CARS1: variants seen among roughly 807,000 people sequenced by gnomAD.
CARS1 encodes cysteinyl-tRNA synthetase 1.
Under a neutral mutation model 106.2 loss-of-function variants are expected in CARS1, and 48 were observed. That is an observed-to-expected ratio of 0.45 (90% confidence interval 0.36 to 0.57). The LOEUF (loss-of-function observed/expected upper bound fraction) is 0.57, where lower values mean the gene tolerates loss of function less well. CARS1 is among the 20% of genes least tolerant of loss of function. The probability of loss-of-function intolerance (pLI) is 0.00; values close to 1 mark genes in which losing one functional copy is unlikely to be tolerated. For missense variants in CARS1, 968 were observed against 1,057.2 expected, an observed-to-expected ratio of 0.92 and a Z score of 1.17; for synonymous variants, 409 against 403.4, an observed-to-expected ratio of 1.01 and a Z score of -0.17.
rs147445160 is a variant in CARS1, at chr11:3,026,896, G to A, written c.1032-99C>T. On this transcript the variant is annotated intron_variant, in intron 9 of 22. Transcript: ENST00000380525. ...AAATAAAGCAGGGCTATAAAAGTGC[G>A]AAATCTGTGGCCTATCTACTCTCTG... 780 of 1,360,508 alleles carry A rather than the reference G, an allele frequency of 5.7e-4. 2 individuals are homozygous for A. In the African/African-American group the frequency reaches 9.3e-3, roughly 16 times the overall value. 84.3% of individuals were successfully genotyped at this position (1,360,508 alleles called of 1,614,324 possible). A position where few individuals can be genotyped will look rare whatever the true frequency, so the allele number is the denominator to read the frequency against.
In CARS1 at chr11:3,038,220, CAAATCTATTA is replaced by C. The variant is rs751736709; in HGVS notation, c.652-31_652-22del. The C allele has an allele frequency of 5.6e-6, 9 of 1,610,518 alleles. No individual in the cohort carries two copies. In the East Asian group the frequency reaches 2.0e-4, roughly 36 times the overall value. On this transcript the variant is annotated intron_variant, in intron 6 of 22. Transcript: ENST00000380525. This position sits in a 1 kb window ranked among gnomAD's most constrained non-coding sequence, Gnocchi z 4.0. The stretch of plus-strand genomic sequence containing the variant: ...AATGGCTGCAACCATAAAGAGACGT[CAAATCTATTA>C]GATACTGCTCAGCAAAACCTAAATT...
In CARS1 at chr11:3,040,588, G is replaced by A. The variant is rs1854314788; in HGVS notation, c.455+308C>T. 1.8e-6 allele frequency: 1 copy of A among 548,742 alleles called. No homozygotes were observed. The highest frequency in any genetic ancestry group is 1.5e-5 in the South Asian group (1 of 65,394). 34.0% of individuals were successfully genotyped at this position (548,742 alleles called of 1,614,324 possible). On this transcript the variant is annotated intron_variant, in intron 4 of 22. Transcript: ENST00000380525. The surrounding 1 kb of genome is among the most constrained non-coding windows in gnomAD (Gnocchi z 5.8). ...TCTGGGGACCCCACGAGAGCTTGAG[G>A]GATGAGAGAAAACTTTAAGGTATGT...
At chr11:3,031,220 G>A (rs1047152299) in intron 7 of CARS1, 1 of 152,282 alleles carries the variant, frequency 6.6e-6, no homozygotes, top group Admixed American at 6.5e-5. Context: ...ACTGAAAAGA[G>A]AGAATACTTT....
At chr11:3,009,357 A>G (rs1319764252) in intron 18 of CARS1, 2 of 152,282 alleles carry the variant, frequency 1.3e-5, no homozygotes, top group East Asian at 1.9e-4. Context: ...ACACTGTGTG[A>G]CTCCACTCAT....
At position 3,043,142 on chromosome 11, in the gene CARS1, C is replaced by T. The variant is rs1366531147; in HGVS notation, c.275-886G>A. 6.6e-6 allele frequency among the ~76,000 whole-genome samples: 1 copy of T among 152,216 alleles called. No individual in the cohort carries two copies. Among genetic ancestry groups the T allele is most frequent in the Non-Finnish European group, 1.5e-5 (1 of 68,030 alleles). On this transcript the variant is annotated intron_variant, in intron 2 of 22. Coordinates refer to ENST00000380525, the MANE Select transcript of CARS1 (RefSeq NM_001014437.3). The surrounding 1 kb of genome is among the most constrained non-coding windows in gnomAD (Gnocchi z 4.0). ...AGACTTCCCTAGTTGTTCCCCTCCA[C>T]TCGCCTGTGGGCCGCCTGGGCTGCT... is the stretch of plus-strand genomic sequence containing the variant.
At position 3,045,406 on chromosome 11, in the gene CARS1, A is replaced by G. The variant is rs1301145192; in HGVS notation, c.274+2347T>C. Among the ~76,000 whole-genome samples the G allele has an allele frequency of 6.6e-6, 1 of 152,086 alleles. No homozygotes were observed. Among genetic ancestry groups the G allele is most frequent in the East Asian group, 1.9e-4 (1 of 5,200 alleles). ...CAGCCTCCCGAGTAGCTGGGACTAT[A>G]GGCACCCGCCATCACGCCCGGCTAA... On this transcript the variant is annotated intron_variant, in intron 2 of 22. Coordinates refer to ENST00000380525, the MANE Select transcript of CARS1 (RefSeq NM_001014437.3). This position sits in a 1 kb window ranked among gnomAD's most constrained non-coding sequence, Gnocchi z 5.6.
Position 3,040,204 on chromosome 11 carries a change from C to T in CARS1, c.456-273G>A. Reference sequence around the variant, plus strand: ...ATAATATTTTCTTTTCTCTGGCTTCCTTTATCATTAGGAATACAGTATGTA... The same window carrying T: ...ATAATATTTTCTTTTCTCTGGCTTCTTTTATCATTAGGAATACAGTATGTA... On this transcript the variant is annotated intron_variant, in intron 4 of 22. Coordinates refer to ENST00000380525, the MANE Select transcript of CARS1 (RefSeq NM_001014437.3). This position sits in a 1 kb window ranked among gnomAD's most constrained non-coding sequence, Gnocchi z 5.8. The T allele has an allele frequency of 2.5e-6, 1 of 395,672 alleles. No individual in the cohort carries two copies. The highest frequency in any genetic ancestry group is 4.8e-5 in the East Asian group (1 of 20,716). 24.5% of individuals were successfully genotyped at this position (395,672 alleles called of 1,614,324 possible).
chr11:3,030,546 G>C lies in CARS1; in HGVS notation c.802-1103C>G, dbSNP rs756773447. On this transcript the variant is annotated intron_variant, in intron 7 of 22. Coordinates refer to ENST00000380525, the MANE Select transcript of CARS1 (RefSeq NM_001014437.3). The surrounding 1 kb of genome is among the most constrained non-coding windows in gnomAD (Gnocchi z 5.7). ...GCCTGCCCCAAGTACAGGGAAACGC[G>C]CATCCTGGCCCTCAGGATCACCAAG... The C allele has an allele frequency of 6.6e-6, 1 of 152,222 alleles. No individual in the cohort carries two copies. 9.4% of individuals were successfully genotyped at this position (152,222 alleles called of 1,614,324 possible). A position where few individuals can be genotyped will look rare whatever the true frequency, so the allele number is the denominator to read the frequency against.
In CARS1 at chr11:3,017,018, C is replaced by T; in HGVS notation, c.1917+88G>A. The T allele has an allele frequency of 1.8e-6, 2 of 1,116,020 alleles. No individual in the cohort carries two copies. The highest frequency in any genetic ancestry group is 2.6e-6 in the Non-Finnish European group (2 of 778,924). The allele number at this position is 1,116,020 out of a possible 1,614,324, so 69.1% of individuals were successfully genotyped here. On this transcript the variant is annotated intron_variant, in intron 16 of 22. Transcript: ENST00000380525. The surrounding 1 kb of genome is among the most constrained non-coding windows in gnomAD (Gnocchi z 4.9). The stretch of plus-strand genomic sequence containing the variant: ...GGGCACCAGGCACAGCACTGGGGGG[C>T]ACCAGAGGCCTCTGTTCTCCCAGTC...
chr11:3,015,107 G>C (rs1324821083), intron 17 of CARS1, among the ~76,000 whole-genome samples: 2 of 152,236 alleles, frequency 1.3e-5, no homozygotes, highest in Non-Finnish European at 2.9e-5. Flanking sequence ...GACTGACAGT[G>C]TGTGTCTGCT....
intron 10 of CARS1, among the ~76,000 whole-genome samples, chr11:3,026,223 G>A (rs1852061174): frequency 6.6e-6 from 1 of 152,118 alleles, no homozygotes; most frequent in Non-Finnish European, 1.5e-5. Flanking sequence ...AGTGGAGAGA[G>A]GTTGGTTTCT....
Position 3,020,412 on chromosome 11 carries a change from G to A in CARS1, c.1154-80C>T. The stretch of plus-strand genomic sequence containing the variant: ...ATGTCTCACTTCAAGGCCATCCACG[G>A]TGCCTAATGGGCAGTCCTTCTGACT... On this transcript the variant is annotated intron_variant, in intron 10 of 22. Coordinates refer to ENST00000380525, the MANE Select transcript of CARS1 (RefSeq NM_001014437.3). The surrounding 1 kb of genome is among the most constrained non-coding windows in gnomAD (Gnocchi z 4.6). 1.2e-6 allele frequency: 1 copy of A among 809,930 alleles called. No individual in the cohort carries two copies. The highest frequency in any genetic ancestry group is 2.2e-6 in the Non-Finnish European group (1 of 460,466). 50.2% of individuals were successfully genotyped at this position (809,930 alleles called of 1,614,324 possible).
rs1022149137 is a variant in CARS1 at position 3,055,111 on chromosome 11, G to T, written c.25+2232C>A. On this transcript the variant is annotated intron_variant, in intron 1 of 22. Coordinates refer to ENST00000380525, the MANE Select transcript of CARS1 (RefSeq NM_001014437.3). ...AACTTAGGGAAGATGGTACAAAAATGATGGCCTCCTTGAAAAATCTGGGAA... is the reference window on the plus strand; with the variant it reads ...AACTTAGGGAAGATGGTACAAAAATTATGGCCTCCTTGAAAAATCTGGGAA... 9 of 603,112 alleles carry T rather than the reference G, an allele frequency of 1.5e-5. No homozygotes were observed. The South Asian group carries it at 1.8e-4, about 12-fold the overall frequency. 37.4% of individuals were successfully genotyped at this position (603,112 alleles called of 1,614,324 possible). A position where few individuals can be genotyped will look rare whatever the true frequency, so the allele number is the denominator to read the frequency against.
In CARS1 at chr11:3,039,322, G is replaced by C. The variant is rs751161198; in HGVS notation, c.553-30C>G. 5.9e-6 allele frequency: 8 copies of C among 1,357,762 alleles called. No individual in the cohort carries two copies. Among genetic ancestry groups the C allele is most frequent in the Admixed American group, 1.7e-5 (1 of 59,588 alleles). 84.1% of individuals were successfully genotyped at this position (1,357,762 alleles called of 1,614,324 possible). A position where few individuals can be genotyped will look rare whatever the true frequency, so the allele number is the denominator to read the frequency against. ...GGAGGGAAGGCAGACATTGGGGAGT[G>C]ATGCTTGGATCCCACATGCATCCCT... On this transcript the variant is annotated intron_variant, in intron 5 of 22. Transcript: ENST00000380525. This position sits in a 1 kb window ranked among gnomAD's most constrained non-coding sequence, Gnocchi z 5.6.
At chr11:3,035,765 T>G (rs1291844741) in intron 7 of CARS1, among the ~76,000 whole-genome samples, 1 of 152,188 alleles carries the variant, frequency 6.6e-6, no homozygotes, top group Non-Finnish European at 1.5e-5. Flanking sequence ...GGATTACAAG[T>G]GTGAGCCACT....
intron 7 of CARS1, among the ~76,000 whole-genome samples, chr11:3,033,448 A>T (rs942369659): frequency 3.3e-5 from 5 of 152,224 alleles, no homozygotes; most frequent in African/African-American, 4.8e-5. Context: ...TTAAATTTGG[A>T]AATTTAAAAC....
chr11:3,040,506 G>A lies in CARS1; in HGVS notation c.455+390C>T, dbSNP rs1292723382. ...CATGACCATCCAGTGGTCGGGGGGC[G>A]GTCACAGCCAACCCAGCGTCAGGCC... On this transcript the variant is annotated intron_variant, in intron 4 of 22. Coordinates refer to ENST00000380525, the MANE Select transcript of CARS1 (RefSeq NM_001014437.3). The surrounding 1 kb of genome is among the most constrained non-coding windows in gnomAD (Gnocchi z 5.8). The A allele has an allele frequency of 1.0e-5, 5 of 476,644 alleles. No homozygotes were observed. Among genetic ancestry groups the A allele is most frequent in the South Asian group, 3.1e-5 (2 of 64,718 alleles). The allele number at this position is 476,644 out of a possible 1,614,324, so 29.5% of individuals were successfully genotyped here.
chr11:3,015,190 A>G (rs1850864991), intron 17 of CARS1, among the ~76,000 whole-genome samples: 7 of 152,162 alleles, frequency 4.6e-5, no homozygotes, highest in Admixed American at 4.6e-4. Context: ...CACCGCACAG[A>G]CCCACTAGAC....
At chr11:3,056,104 T>C (rs923269619) in intron 1 of CARS1, among the ~76,000 whole-genome samples, 1 of 152,220 alleles carries the variant, frequency 6.6e-6, no homozygotes, top group African/African-American at 2.4e-5. Context: ...TCCTGCCACT[T>C]GGCACAAGAG....
Sources: allele counts gnomAD v4.1 joint callset (sites outside exome capture counted in the v4.1 genomes callset), GRCh38; gene constraint gnomAD v4.1.1; non-coding constraint Gnocchi (gnomAD v3.1); transcripts MANE v1.5; gene names NCBI Gene and HGNC (gene_info 2026-07-23, HGNC 2026-07-21).